MORN3: variants seen among roughly 807,000 people sequenced by gnomAD.
MORN3 encodes the protein MORN repeat containing 3.
MORN3 carries 38 observed loss-of-function variants against 34.7 expected under a neutral mutation model. The observed-to-expected ratio is 1.10, with a 90% CI of 0.85 to 1.44. The LOEUF is 1.44. MORN3 is among the 40% of genes most tolerant of loss of function. MORN3 has a pLI of 0.00. For missense variants in MORN3, 311 were observed against 321.7 expected (o/e 0.97, Z 0.25); for synonymous variants, 109 against 115.3 (o/e 0.95, Z 0.35).
At chr12:121,659,150 CACACA>C in intron 2 of MORN3, 36 bp downstream of exon 2, 1 of 1,598,314 alleles carries the variant, frequency 6.3e-7, no homozygotes. Context: ...CACACACACA[CACACA>C]CACACACACA....
At position 121,649,080 on chromosome 12, in the gene MORN3, C is replaced by G. The variant is rs1057125569; in HGVS notation, c.*2571G>C. ...TCTCCTGCCTCAGCCTCCTGAGTAG[C>G]TGGGATTATAGATGCACTCCACCAC... On this transcript the variant is annotated 3_prime_UTR_variant, in exon 6 of 6. Coordinates refer to ENST00000355329, the MANE Select transcript of MORN3 (RefSeq NM_173855.5). 1.3e-5 allele frequency: 2 copies of G among 152,070 alleles called. No homozygotes were observed. Among genetic ancestry groups the G allele is most frequent in the Non-Finnish European group, 2.9e-5 (2 of 68,072 alleles). 9.4% of individuals were successfully genotyped at this position (152,070 alleles called of 1,614,324 possible). A position where few individuals can be genotyped will look rare whatever the true frequency, so the allele number is the denominator to read the frequency against.
Position 121,651,177 on chromosome 12 carries a change from TC to T in MORN3, c.*473del, listed in dbSNP as rs1893243771. On this transcript the variant is annotated 3_prime_UTR_variant, in exon 6 of 6. Transcript: ENST00000355329. ...GGTCTTGCTATGTTGCCTAAGCTGG[TC>T]TCGAACTCCTGGCCTCAGGCAGTCC... is the stretch of plus-strand genomic sequence containing the variant. The T allele has an allele frequency of 6.6e-6, 1 of 152,092 alleles. No individual in the cohort carries two copies. The highest frequency in any genetic ancestry group is 1.5e-5 in the Non-Finnish European group (1 of 68,048). The allele number at this position is 152,092 out of a possible 1,614,324, so 9.4% of individuals were successfully genotyped here.
At chr12:121,665,222 C>T (rs1893706226) in intron 1 of MORN3, among the ~76,000 whole-genome samples, 1 of 149,912 alleles carries the variant, frequency 6.7e-6, no homozygotes, top group Admixed American at 6.7e-5. Context: ...TACTGGAGTA[C>T]CTCGTATAGG....
intron 1 of MORN3, among the ~76,000 whole-genome samples, chr12:121,667,982 C>T (rs1250213081): frequency 1.3e-5 from 2 of 152,006 alleles, no homozygotes; most frequent in Non-Finnish European, 2.9e-5. Flanking sequence ...CTCGGCTTCC[C>T]AAAGTGCTGG....
rs1216674924 is a variant in MORN3 at position 121,669,631 on chromosome 12, G to C, written c.-148C>G. 8 of 1,139,940 alleles carry C rather than the reference G, an allele frequency of 7.0e-6. No homozygotes were observed. The East Asian group carries it at 1.8e-4, about 26-fold the overall frequency. 70.6% of individuals were successfully genotyped at this position (1,139,940 alleles called of 1,614,324 possible). The stretch of plus-strand genomic sequence containing the variant: ...CCCTGGGGCAGGTGAACAGCCCTTA[G>C]TGGGGATCCTTTAGTGCTGGACTGA... On this transcript the variant is annotated 5_prime_UTR_variant, in exon 1 of 6. Coordinates refer to ENST00000355329, the MANE Select transcript of MORN3 (RefSeq NM_173855.5).
upstream of MORN3, among the ~76,000 whole-genome samples, chr12:121,669,834 T>TAATATATATATATATATATATATATATA (rs1566488482): frequency 5.2e-4 from 48 of 92,250 alleles, no homozygotes; most frequent in African/African-American, 2.0e-3. Context: ...ATATATATAT[T>TAATATATATATATATATATATATATATA]TTTTTTTTTA....
Position 121,656,046 on chromosome 12 carries a change from C to G in MORN3, c.304-1613G>C, listed in dbSNP as rs1400994251. Among the ~76,000 whole-genome samples, 42 of 151,942 alleles carry G rather than the reference C, an allele frequency of 2.8e-4. 2 individuals carry two copies. On this transcript the variant is annotated intron_variant, in intron 2 of 5. Coordinates refer to ENST00000355329, the MANE Select transcript of MORN3 (RefSeq NM_173855.5). Reference sequence around the variant, plus strand: ...CTCCGTCTCAAAAAACAAAAAACACCACACTTAGTGTCCAACCACAGGGAA... The same window carrying G: ...CTCCGTCTCAAAAAACAAAAAACACGACACTTAGTGTCCAACCACAGGGAA...
chr12:121,669,210 C>T (rs1489402467), intron 1 of MORN3, 129 bp downstream of exon 1: 14 of 1,258,156 alleles, frequency 1.1e-5, no homozygotes, highest in South Asian at 2.7e-5. Context: ...CCTGGGCCAG[C>T]GCTCACCCTG....
intron 2 of MORN3, among the ~76,000 whole-genome samples, chr12:121,654,999 C>G (rs782613089): frequency 6.6e-6 from 1 of 152,112 alleles, no homozygotes; most frequent in Non-Finnish European, 1.5e-5. Flanking sequence ...GACCCACCCT[C>G]TCCTCTCTCA....
In MORN3 at chr12:121,649,555, A is replaced by C. The variant is rs1274027711; in HGVS notation, c.*2096T>G. The C allele has an allele frequency of 2.0e-5, 3 of 152,042 alleles. No individual in the cohort carries two copies. The highest frequency in any genetic ancestry group is 7.2e-5 in the African/African-American group (3 of 41,394). 9.4% of individuals were successfully genotyped at this position (152,042 alleles called of 1,614,324 possible). A position where few individuals can be genotyped will look rare whatever the true frequency, so the allele number is the denominator to read the frequency against. On this transcript the variant is annotated 3_prime_UTR_variant, in exon 6 of 6. Coordinates refer to ENST00000355329, the MANE Select transcript of MORN3 (RefSeq NM_173855.5). ...CCAGTGCCAGAGGTACAGACTGAGA[A>C]CCACACCCTTGGTGAGGCCACCCTA...
At chr12:121,659,025 T>C (rs1291164458) in intron 2 of MORN3, among the ~76,000 whole-genome samples, 166 bp downstream of exon 2, 1 of 151,588 alleles carries the variant, frequency 6.6e-6, no homozygotes, top group African/African-American at 2.4e-5. Flanking sequence ...AACTTTGCAA[T>C]TCCCCCACCC....
At position 121,651,634 on chromosome 12, in the gene MORN3, G is replaced by C. The variant is rs1489831603; in HGVS notation, c.*17C>G. The C allele has an allele frequency of 2.0e-5, 3 of 152,322 alleles. No individual in the cohort carries two copies. Among genetic ancestry groups the C allele is most frequent in the African/African-American group, 4.8e-5 (2 of 41,438 alleles). 9.4% of individuals were successfully genotyped at this position (152,322 alleles called of 1,614,324 possible). A position where few individuals can be genotyped will look rare whatever the true frequency, so the allele number is the denominator to read the frequency against. ...CACAGGCTTGAATTTCTCCTGAAGCGTTTGTGTTCTCTGCAGGGGAGAGAG... is the reference window on the plus strand; with the variant it reads ...CACAGGCTTGAATTTCTCCTGAAGCCTTTGTGTTCTCTGCAGGGGAGAGAG... On this transcript the variant is annotated 3_prime_UTR_variant, in exon 6 of 6. Transcript: ENST00000355329.
At chr12:121,665,276 T>TG (rs1893708779) in intron 1 of MORN3, among the ~76,000 whole-genome samples, 1 of 123,680 alleles carries the variant, frequency 8.1e-6, no homozygotes, top group Non-Finnish European at 1.7e-5. Flanking sequence ...TCTTTTTCTT[T>TG]CCTTTTTTTT....
intron 3 of MORN3, among the ~76,000 whole-genome samples, chr12:121,653,719 G>C (rs1280678884): frequency 2.0e-5 from 3 of 152,092 alleles, no homozygotes; most frequent in Non-Finnish European, 2.9e-5. Context: ...CGTTGGCCAG[G>C]CTGATCTCAA....
intron 1 of MORN3, among the ~76,000 whole-genome samples, chr12:121,663,578 T>G (rs1893650669): frequency 6.6e-6 from 1 of 152,078 alleles, no homozygotes; most frequent in Non-Finnish European, 1.5e-5. Context: ...CATACCGCAA[T>G]AAAGCCGAGG....
chr12:121,664,032 G>C (rs940687747), intron 1 of MORN3, among the ~76,000 whole-genome samples: 1 of 152,162 alleles, frequency 6.6e-6, no homozygotes, highest in Non-Finnish European at 1.5e-5. Flanking sequence ...GATTGGGTCA[G>C]TGCAGGCCAC....
intron 1 of MORN3, among the ~76,000 whole-genome samples, chr12:121,660,670 CTT>C (rs780680002): frequency 9.9e-5 from 12 of 120,642 alleles, no homozygotes; most frequent in Admixed American, 2.5e-4. Flanking sequence ...TTCTTTCTTT[CTT>C]TTTTTTTTTT....
chr12:121,651,737 T>G (rs1555325126), intron 5 of MORN3, 93 bp from the exon 6 acceptor site: 1 of 152,142 alleles, frequency 6.6e-6, no homozygotes, highest in African/African-American at 2.4e-5. Context: ...CCAGGAGGAC[T>G]TGGACTGGAC....
chr12:121,649,903 T>C lies in MORN3; in HGVS notation c.*1748A>G, dbSNP rs1893212497. On this transcript the variant is annotated 3_prime_UTR_variant, in exon 6 of 6. Transcript: ENST00000355329. ...TTTGTAGCATGGTGATATTGCACTA[T>C]GCTTAACCGCATCCCTGGTCTCTAC... The C allele has an allele frequency of 1.3e-5, 2 of 148,872 alleles. No homozygotes were observed. Among genetic ancestry groups the C allele is most frequent in the Non-Finnish European group, 3.0e-5 (2 of 67,678 alleles). The allele number at this position is 148,872 out of a possible 1,614,324, so 9.2% of individuals were successfully genotyped here.
Sources: gnomAD v4.1 joint callset for allele counts (sites outside exome capture counted in the v4.1 genomes callset) on GRCh38, gnomAD v4.1.1 for gene constraint, MANE v1.5 for transcripts, NCBI Gene and HGNC (gene_info 2026-07-23, HGNC 2026-07-21) for gene names.